The following NR3C2 variants were observed in gnomAD, a reference collection of about 807,000 sequenced individuals.
NR3C2 encodes nuclear receptor subfamily 3 group C member 2, also known as mineralocorticoid receptor.
Under a neutral mutation model 86.4 loss-of-function variants are expected in NR3C2, and 15 were observed. The ratio of observed to expected loss-of-function variants is 0.17; its 90% CI spans 0.12 to 0.27. NR3C2 has a LOEUF of 0.27. Among genes scored for constraint, NR3C2 ranks in the 10% least tolerant of loss-of-function variants. NR3C2 has a pLI of 1.00. For missense variants in NR3C2, 960 were observed against 1,195.6 expected (o/e 0.80, Z 2.91); for synonymous variants, 458 against 450.5 (o/e 1.02, Z -0.21).
chr4:148,221,709 A>G (rs781629660), intron 3 of NR3C2, among the ~76,000 whole-genome samples: 1 of 152,060 alleles, frequency 6.6e-6, no homozygotes, highest in Non-Finnish European at 1.5e-5. Flanking sequence ...CCTGGCCAAC[A>G]TGGTGAAAGC....
At chr4:148,404,058 A>G (rs1748293922) in intron 2 of NR3C2, among the ~76,000 whole-genome samples, 1 of 152,086 alleles carries the variant, frequency 6.6e-6, no homozygotes, top group South Asian at 2.1e-4. Context: ...ACAGAGAATC[A>G]AGTCATATTT....
rs543913871 is a variant in NR3C2 at position 148,254,990 on chromosome 4, G to A, written c.1897+4988C>T. 3.0e-4 allele frequency among the ~76,000 whole-genome samples: 45 copies of A among 152,058 alleles called. 1 individual carries two copies. Among genetic ancestry groups the A allele is most frequent in the Middle Eastern group, 3.4e-3 (1 of 294 alleles). On this transcript the variant is annotated intron_variant, in intron 3 of 8. Coordinates refer to ENST00000358102, the MANE Select transcript of NR3C2 (RefSeq NM_000901.5). ...GAGATAGCTATATTTGAATTATTAC[G>A]TAATATTAATATTAATAACATTCTG...
At chr4:148,430,471 A>G (rs1354294255) in intron 2 of NR3C2, among the ~76,000 whole-genome samples, 1 of 152,162 alleles carries the variant, frequency 6.6e-6, no homozygotes, top group Non-Finnish European at 1.5e-5. Flanking sequence ...TGAAAAATGA[A>G]TATCAGGAGA....
At chr4:148,346,546 G>A (rs2149987480) in intron 2 of NR3C2, among the ~76,000 whole-genome samples, 1 of 152,120 alleles carries the variant, frequency 6.6e-6, no homozygotes, top group East Asian at 1.9e-4. Flanking sequence ...CTTGGTATTT[G>A]TGAGCCTCAG....
intron 2 of NR3C2, among the ~76,000 whole-genome samples, chr4:148,377,326 A>C (rs1023104645): frequency 8.5e-5 from 13 of 152,224 alleles, no homozygotes; most frequent in African/African-American, 3.1e-4. Context: ...CCTGTGGCTA[A>C]TGTGGAGAAG....
chr4:148,361,128 G>A (rs1214669672), intron 2 of NR3C2, among the ~76,000 whole-genome samples: 1 of 152,124 alleles, frequency 6.6e-6, no homozygotes, highest in South Asian at 2.1e-4. Context: ...AAACAGTGAA[G>A]TGTTTGTTTT....
At chr4:148,257,206 A>T (rs945896832) in intron 3 of NR3C2, among the ~76,000 whole-genome samples, 1 of 152,210 alleles carries the variant, frequency 6.6e-6, no homozygotes, top group Non-Finnish European at 1.5e-5. Context: ...GTCAAGGGAC[A>T]TTGGAAAACA....
At chr4:148,242,557 A>T (rs1739109301) in intron 3 of NR3C2, among the ~76,000 whole-genome samples, 1 of 152,216 alleles carries the variant, frequency 6.6e-6, no homozygotes. Flanking sequence ...AATTTACTGG[A>T]CAAGTAAAGC....
intron 4 of NR3C2, among the ~76,000 whole-genome samples, chr4:148,159,539 T>A (rs1734560061): frequency 6.6e-6 from 1 of 152,208 alleles, no homozygotes; most frequent in South Asian, 2.1e-4. Context: ...TTTTCATTTT[T>A]CAGGTGAAAA....
At chr4:148,172,641 C>CAAGGTTTA (rs1315241862) in intron 4 of NR3C2, among the ~76,000 whole-genome samples, 1 of 152,152 alleles carries the variant, frequency 6.6e-6, no homozygotes, top group Non-Finnish European at 1.5e-5. Flanking sequence ...GCCAAACAGG[C>CAAGGTTTA]AAGGTTTAAT....
intron 4 of NR3C2, 30 bp downstream of exon 4, chr4:148,194,715 AT>A (rs771217835): frequency 6.7e-7 from 1 of 1,483,528 alleles, no homozygotes; most frequent in Non-Finnish European, 9.3e-7. Flanking sequence ...CCTATTAACA[AT>A]TTTTATTAAA....
At chr4:148,168,446 T>C (rs1418930230) in intron 4 of NR3C2, among the ~76,000 whole-genome samples, 1 of 152,216 alleles carries the variant, frequency 6.6e-6, no homozygotes, top group Non-Finnish European at 1.5e-5. Flanking sequence ...ATGAACTGGC[T>C]TGCCAGGGTT....
At chr4:148,166,414 C>T (rs1382344013) in intron 4 of NR3C2, among the ~76,000 whole-genome samples, 2 of 152,202 alleles carry the variant, frequency 1.3e-5, no homozygotes, top group African/African-American at 2.4e-5. Flanking sequence ...GCCTGCCCTG[C>T]CCTGCCCAGC....
chr4:148,201,414 A>G (rs1176435062), intron 3 of NR3C2, among the ~76,000 whole-genome samples: 2 of 152,216 alleles, frequency 1.3e-5, no homozygotes, highest in Admixed American at 1.3e-4. Context: ...TGGTGATTTT[A>G]GTTTCGGTGT....
chr4:148,194,902 C>A (rs763733740), intron 3 of NR3C2, 40 bp from the exon 4 acceptor site: 1 of 1,357,192 alleles, frequency 7.4e-7, no homozygotes, highest in South Asian at 1.2e-5. Flanking sequence ...AAATAGAGTA[C>A]ACTAGTACAA....
At chr4:148,275,500 G>A (rs1319268963) in intron 2 of NR3C2, among the ~76,000 whole-genome samples, 5 of 151,342 alleles carry the variant, frequency 3.3e-5, no homozygotes, top group South Asian at 2.1e-4. Context: ...ACGTGATCAC[G>A]GCTTACTGCA....
intron 2 of NR3C2, among the ~76,000 whole-genome samples, chr4:148,384,006 T>G (rs1747138137): frequency 6.7e-6 from 1 of 148,770 alleles, no homozygotes; most frequent in Non-Finnish European, 1.5e-5. Context: ...AATAAGGAAC[T>G]ACACATTTAG....
At chr4:148,287,403 T>C (rs536283392) in intron 2 of NR3C2, among the ~76,000 whole-genome samples, 2 of 152,318 alleles carry the variant, frequency 1.3e-5, no homozygotes, top group East Asian at 3.9e-4. Context: ...CTAGTAAGAC[T>C]GAATTGCTGC....
At chr4:148,268,704 A>G (rs1368812665) in intron 2 of NR3C2, among the ~76,000 whole-genome samples, 1 of 152,184 alleles carries the variant, frequency 6.6e-6, no homozygotes, top group Admixed American at 6.5e-5. Context: ...AAACTCAAGG[A>G]GCTGTACCTT....
Sources: gnomAD v4.1 joint callset for allele counts (sites outside exome capture counted in the v4.1 genomes callset) on GRCh38, gnomAD v4.1.1 for gene constraint, MANE v1.5 for transcripts, NCBI Gene and HGNC (gene_info 2026-07-23, HGNC 2026-07-21) for gene names.